Variants in NRXN1 observed in about 807,000 individuals in gnomAD.
The protein encoded by NRXN1 is neurexin-1.
NRXN1 carries 39 observed loss-of-function variants against 150.9 expected under a neutral mutation model. The observed-to-expected ratio is 0.26, with a 90% CI of 0.20 to 0.34. NRXN1 has a LOEUF of 0.34. Ranked by LOEUF, NRXN1 falls within the 10% of genes least tolerant of loss-of-function variation. The pLI, the probability that NRXN1 is intolerant of heterozygous loss-of-function variation, is 1.00. For synonymous variants in NRXN1, 924 were observed against 757.0 expected (o/e 1.22, Z -3.62); for missense variants, 1,815 against 1,949.9 (o/e 0.93, Z 1.30).
chr2:50,785,104 G>A (rs2105547030), intron 5 of NRXN1, among the ~76,000 whole-genome samples: 1 of 152,050 alleles, frequency 6.6e-6, no homozygotes, highest in East Asian at 1.9e-4. Context: ...CTCTCTCTGA[G>A]GACATACAGA....
chr2:50,682,570 G>A (rs1015097593), intron 5 of NRXN1, among the ~76,000 whole-genome samples: 3 of 152,080 alleles, frequency 2.0e-5, no homozygotes, highest in Non-Finnish European at 2.9e-5. Context: ...TATATTTAGC[G>A]ATGTTATAGC....
intron 21 of NRXN1, among the ~76,000 whole-genome samples, chr2:50,039,118 G>A (rs987243097): frequency 1.3e-5 from 2 of 151,712 alleles, no homozygotes; most frequent in African/African-American, 2.4e-5. Context: ...CAGAGGTGGC[G>A]GTGAGCTGAG....
At chr2:49,972,124 G>A (rs1356585924) in intron 21 of NRXN1, among the ~76,000 whole-genome samples, 3 of 152,120 alleles carry the variant, frequency 2.0e-5, no homozygotes, top group Admixed American at 1.3e-4. Flanking sequence ...ACTGAAAACT[G>A]TATCTGGGTT....
intron 18 of NRXN1, among the ~76,000 whole-genome samples, chr2:50,192,587 T>G (rs910699060): frequency 4.7e-5 from 7 of 149,394 alleles, no homozygotes; most frequent in African/African-American, 1.7e-4. Context: ...GGCATACAAA[T>G]CGGAAGAATA....
At chr2:50,575,985 C>T (rs1671382495) in intron 8 of NRXN1, among the ~76,000 whole-genome samples, 1 of 151,936 alleles carries the variant, frequency 6.6e-6, no homozygotes, top group South Asian at 2.1e-4. Context: ...TTAAAGCCAA[C>T]CTAGGATCTT....
chr2:50,791,552 G>A lies in NRXN1; in HGVS notation c.832+130317C>T, dbSNP rs528945577. 2.2e-4 allele frequency among the ~76,000 whole-genome samples: 34 copies of A among 152,124 alleles called. No individual in the cohort carries two copies. The East Asian group carries it at 6.2e-3, about 28-fold the overall frequency. Reference sequence around the variant, plus strand: ...GCTTTTCCCTTCAGTTTGGTCTTTAGTATGTACTCCTAAGTTTGCCAAATG... The same window carrying A: ...GCTTTTCCCTTCAGTTTGGTCTTTAATATGTACTCCTAAGTTTGCCAAATG... On this transcript the variant is annotated intron_variant, in intron 5 of 22. Transcript: ENST00000401669.
chr2:50,135,832 T>A (rs1574101819), intron 18 of NRXN1, among the ~76,000 whole-genome samples: 1 of 152,210 alleles, frequency 6.6e-6, no homozygotes, highest in African/African-American at 2.4e-5. Flanking sequence ...GCTAATTGGT[T>A]TTCAGTCAAA....
intron 17 of NRXN1, among the ~76,000 whole-genome samples, chr2:50,350,673 G>A (rs534584863): frequency 1.6e-4 from 25 of 152,278 alleles, no homozygotes; most frequent in Non-Finnish European, 2.9e-4. Context: ...TAGAATAAGC[G>A]TAGAAGATTG....
At chr2:50,832,468 C>T (rs946197405) in intron 5 of NRXN1, among the ~76,000 whole-genome samples, 1 of 152,130 alleles carries the variant, frequency 6.6e-6, no homozygotes, top group Non-Finnish European at 1.5e-5. Context: ...ACCTGGCCAA[C>T]ATGGCGAAAC....
rs540412449 is a variant in NRXN1, at chr2:50,180,208, A to G, written c.3546+56581T>C. The stretch of plus-strand genomic sequence containing the variant: ...GGCTAATTTAAAAAAAAAAATTTGT[A>G]GAGACACGGTCTTGCTGTGCTGCCC... On this transcript the variant is annotated intron_variant, in intron 18 of 22. Coordinates refer to ENST00000401669, the MANE Select transcript of NRXN1 (RefSeq NM_001330078.2). Among the ~76,000 whole-genome samples, 5 of 151,838 alleles carry G rather than the reference A, an allele frequency of 3.3e-5. 1 individual carries two copies. In the East Asian group the frequency reaches 9.8e-4, roughly 30 times the overall value.
At chr2:50,496,162 A>G in intron 14 of NRXN1, 67 bp from the exon 15 acceptor site, 1 of 1,265,500 alleles carries the variant, frequency 7.9e-7, no homozygotes, top group Non-Finnish European at 1.1e-6. Context: ...TAAAGTAGAT[A>G]TTACAAATGG....
intron 18 of NRXN1, among the ~76,000 whole-genome samples, chr2:50,127,133 C>T (rs766866041): frequency 6.6e-6 from 1 of 152,062 alleles, no homozygotes; most frequent in Non-Finnish European, 1.5e-5. Context: ...CTCTTGGTGC[C>T]TCCATTCACT....
At chr2:50,262,748 G>C (rs1216856190) in intron 17 of NRXN1, among the ~76,000 whole-genome samples, 1 of 151,964 alleles carries the variant, frequency 6.6e-6, no homozygotes, top group African/African-American at 2.4e-5. Context: ...AGCTGCAGTG[G>C]TGTCATTTTC....
chr2:50,540,660 G>A (rs1433044502), intron 9 of NRXN1, among the ~76,000 whole-genome samples: 1 of 151,644 alleles, frequency 6.6e-6, no homozygotes, highest in East Asian at 1.9e-4. Context: ...AAAGTGCCAT[G>A]TTCTTTTTTT....
chr2:50,088,355 A>T (rs144968437), intron 19 of NRXN1, among the ~76,000 whole-genome samples: 2 of 152,260 alleles, frequency 1.3e-5, no homozygotes, highest in African/African-American at 4.8e-5. Flanking sequence ...TTAATAAAAC[A>T]TCTGATGACA....
At chr2:50,899,046 T>C (rs897470354) in intron 5 of NRXN1, among the ~76,000 whole-genome samples, 3 of 152,128 alleles carry the variant, frequency 2.0e-5, no homozygotes, top group African/African-American at 2.4e-5. Context: ...GAAGATGATG[T>C]ATTTTCCATG....
rs1470777293 is a variant in NRXN1 at position 49,946,107 on chromosome 2, GT to G, written c.4129-2317del. ...TGGCATGAGATGGTATCTCATTGTG[GT>G]TTTGATTTGCATTGCTCTGATGACC... On this transcript the variant is annotated intron_variant, in intron 21 of 22. Coordinates refer to ENST00000401669, the MANE Select transcript of NRXN1 (RefSeq NM_001330078.2). Among the ~76,000 whole-genome samples the G allele has an allele frequency of 2.0e-5, 3 of 152,104 alleles. No individual in the cohort carries two copies. The East Asian group carries it at 5.8e-4, about 29-fold the overall frequency.
At chr2:50,249,291 A>T (rs1324043988) in intron 17 of NRXN1, among the ~76,000 whole-genome samples, 3 of 152,130 alleles carry the variant, frequency 2.0e-5, no homozygotes, top group Non-Finnish European at 4.4e-5. Flanking sequence ...ATGAGAGATC[A>T]CTTTTAGATT....
At chr2:50,314,346 C>G (rs946900538) in intron 17 of NRXN1, among the ~76,000 whole-genome samples, 8 of 151,890 alleles carry the variant, frequency 5.3e-5, no homozygotes, top group African/African-American at 1.9e-4. Context: ...AAAACAAAAA[C>G]AACATGAAAC....
Sources: gnomAD v4.1 joint callset for allele counts (sites outside exome capture counted in the v4.1 genomes callset) on GRCh38, gnomAD v4.1.1 for gene constraint, MANE v1.5 for transcripts, NCBI Gene and HGNC (gene_info 2026-07-23, HGNC 2026-07-21) for gene names.